The following DTNBP1 variants were observed in gnomAD, a reference collection of about 807,000 sequenced individuals.
DTNBP1 encodes dysbindin.
DTNBP1 carries 35 observed loss-of-function variants against 42.8 expected under a neutral mutation model. The ratio of observed to expected loss-of-function variants is 0.82; its 90% CI spans 0.63 to 1.09. The LOEUF (loss-of-function observed/expected upper bound fraction) is 1.09. Ranked by LOEUF, DTNBP1 falls within the 50% of genes least tolerant of loss-of-function variation. DTNBP1 has a pLI of 0.00. For synonymous variants in DTNBP1, 171 were observed against 162.2 expected, an observed-to-expected ratio of 1.05 and a Z score of -0.41; for missense variants, 457 against 424.2, an observed-to-expected ratio of 1.08 and a Z score of -0.68.
At chr6:15,591,597 A>G (rs553951017) in intron 7 of DTNBP1, among the ~76,000 whole-genome samples, 2 of 152,334 alleles carry the variant, frequency 1.3e-5, no homozygotes, top group East Asian at 1.9e-4. Flanking sequence ...TATAAACAAG[A>G]TATTTCAGCC....
In DTNBP1 at chr6:15,593,014, A is replaced by G. The variant is rs780150216; in HGVS notation, c.511+45T>C. On this transcript the variant is annotated intron_variant, in intron 7 of 9. Transcript: ENST00000344537. ...ATTGTCGAGAGAACATCTGATACCA[A>G]TGAACTCTCAACTACTTTAAAGTGA... 2.0e-5 allele frequency: 31 copies of G among 1,553,214 alleles called. No homozygotes were observed. In the Admixed American group the frequency reaches 3.3e-4, roughly 16 times the overall value.
At chr6:15,585,101 A>ATG (rs1776018628) in intron 7 of DTNBP1, among the ~76,000 whole-genome samples, 1 of 77,500 alleles carries the variant, frequency 1.3e-5, no homozygotes, top group Non-Finnish European at 2.6e-5. Context: ...ATATATATAT[A>ATG]TATATATATA....
intron 6 of DTNBP1, among the ~76,000 whole-genome samples, chr6:15,595,876 T>A (rs889415596): frequency 1.3e-5 from 2 of 152,142 alleles, no homozygotes; most frequent in African/African-American, 4.8e-5. Flanking sequence ...GTAATTCAGA[T>A]AAAAAGGTAG....
intron 7 of DTNBP1, among the ~76,000 whole-genome samples, chr6:15,543,633 T>C (rs959782570): frequency 1.3e-5 from 2 of 152,238 alleles, no homozygotes; most frequent in Non-Finnish European, 2.9e-5. Context: ...TGTCAGTATG[T>C]TCAGCTTCCC....
intron 6 of DTNBP1, among the ~76,000 whole-genome samples, chr6:15,613,323 A>AG (rs1561991502): frequency 6.7e-5 from 7 of 103,934 alleles, no homozygotes; most frequent in African/African-American, 2.5e-4. Flanking sequence ...AAAAAAAAAA[A>AG]AAAAAAAAAT....
intron 7 of DTNBP1, among the ~76,000 whole-genome samples, chr6:15,570,173 GA>G (rs796243087): frequency 6.2e-4 from 85 of 137,552 alleles, no homozygotes; most frequent in Middle Eastern, 3.7e-3. Context: ...AAGGTTTACA[GA>G]AAAAAAAAAA....
At chr6:15,570,060 T>A (rs902201525) in intron 7 of DTNBP1, among the ~76,000 whole-genome samples, 3 of 152,076 alleles carry the variant, frequency 2.0e-5, no homozygotes, top group Non-Finnish European at 4.4e-5. Context: ...TCTGTACACA[T>A]GTTAAAATGT....
At chr6:15,537,540 G>A (rs1359863053) in intron 7 of DTNBP1, among the ~76,000 whole-genome samples, 1 of 152,194 alleles carries the variant, frequency 6.6e-6, no homozygotes, top group South Asian at 2.1e-4. Flanking sequence ...AGATTTGGGA[G>A]GGGCCTGGGG....
chr6:15,524,450 T>C (rs763582837), intron 9 of DTNBP1, 76 bp downstream of exon 9: 1 of 1,614,050 alleles, frequency 6.2e-7, no homozygotes, highest in Non-Finnish European at 8.5e-7. Context: ...TGGCAGATGG[T>C]TCTCACGTCT....
chr6:15,541,679 A>G (rs1773569541), intron 7 of DTNBP1, among the ~76,000 whole-genome samples: 1 of 152,222 alleles, frequency 6.6e-6, no homozygotes, highest in Non-Finnish European at 1.5e-5. Context: ...CACTTTAGTT[A>G]CCACTATCAA....
chr6:15,548,438 GACACACACACACACACAC>G (rs3045754), intron 7 of DTNBP1: 7 of 136,708 alleles, frequency 5.1e-5, no homozygotes, highest in South Asian at 2.4e-4. Flanking sequence ...AACACACACA[GACACACACACACACACAC>G]ACACACACAC....
intron 7 of DTNBP1, chr6:15,545,962 G>C: frequency 2.4e-6 from 1 of 413,522 alleles, no homozygotes; most frequent in Non-Finnish European, 4.7e-6. Context: ...GCGGGTCTCA[G>C]CACACCACTC....
At chr6:15,620,999 T>C (rs1327749406) in intron 5 of DTNBP1, among the ~76,000 whole-genome samples, 1 of 152,232 alleles carries the variant, frequency 6.6e-6, no homozygotes, top group Non-Finnish European at 1.5e-5. Context: ...AGCTAAGTTT[T>C]ATATTTAATA....
In DTNBP1 at chr6:15,541,707, C is replaced by T. The variant is rs116046144; in HGVS notation, c.512-8312G>A. On this transcript the variant is annotated intron_variant, in intron 7 of 9. Coordinates refer to ENST00000344537, the MANE Select transcript of DTNBP1 (RefSeq NM_032122.5). ...ACTATCAATTTCAAATGCTTACTTA[C>T]TCAAAACAACAAAAAATTCCATTAC... Among the ~76,000 whole-genome samples, 333 of 152,152 alleles carry T rather than the reference C, an allele frequency of 2.2e-3. 3 individuals carry two copies. The highest frequency in any genetic ancestry group is 7.8e-3 in the African/African-American group (325 of 41,514).
At chr6:15,654,603 C>G (rs770535411) in intron 1 of DTNBP1, among the ~76,000 whole-genome samples, 1 of 151,876 alleles carries the variant, frequency 6.6e-6, no homozygotes, top group Non-Finnish European at 1.5e-5. Context: ...CTCTTCTCTG[C>G]CCCCCTACCC....
chr6:15,603,313 A>G (rs962355769), intron 6 of DTNBP1, among the ~76,000 whole-genome samples: 3 of 152,230 alleles, frequency 2.0e-5, no homozygotes, highest in Non-Finnish European at 2.9e-5. Flanking sequence ...TTTACTTTCA[A>G]TTAACCACCT....
chr6:15,651,396 T>G, intron 2 of DTNBP1, 33 bp from the exon 3 acceptor site: 1 of 1,609,888 alleles, frequency 6.2e-7, no homozygotes, highest in South Asian at 1.1e-5. Flanking sequence ...AAAACTGTTC[T>G]TGATTTAGCC....
intron 7 of DTNBP1, among the ~76,000 whole-genome samples, chr6:15,581,107 G>A (rs972717650): frequency 2.0e-5 from 3 of 152,238 alleles, no homozygotes; most frequent in Admixed American, 1.3e-4. Context: ...GGTGTTGGAT[G>A]ACAGGACTTC....
At position 15,616,057 on chromosome 6, in the gene DTNBP1, T is replaced by C. The variant is rs1479578514; in HGVS notation, c.356-658A>G. 2.6e-5 allele frequency among the ~76,000 whole-genome samples: 4 copies of C among 152,224 alleles called. No individual in the cohort carries two copies. The East Asian group carries it at 7.7e-4, about 29-fold the overall frequency. The stretch of plus-strand genomic sequence containing the variant: ...AACATGAAGATCACCCACTCAAACC[T>C]TTCACTGAGAAGATTCAAGACTAAA... On this transcript the variant is annotated intron_variant, in intron 5 of 9. Coordinates refer to ENST00000344537, the MANE Select transcript of DTNBP1 (RefSeq NM_032122.5).
Sources: gnomAD v4.1 joint callset for allele counts (sites outside exome capture counted in the v4.1 genomes callset) on GRCh38, gnomAD v4.1.1 for gene constraint, MANE v1.5 for transcripts, NCBI Gene and HGNC (gene_info 2026-07-23, HGNC 2026-07-21) for gene names.